Variants in MRE11 observed in about 807,000 individuals in gnomAD.
The protein encoded by MRE11 is MRE11 double strand break repair nuclease, also known as double-strand break repair protein MRE11.
A neutral mutation model predicts 91.7 loss-of-function variants in MRE11; 62 were observed. The ratio of observed to expected loss-of-function variants is 0.68; its 90% confidence interval spans 0.55 to 0.84. MRE11 has a LOEUF of 0.84. MRE11 is among the 40% of genes least tolerant of loss of function. The pLI is 0.00. For synonymous variants in MRE11, 273 were observed against 271.4 expected (o/e 1.01, Z -0.06); for missense variants, 796 against 852.9 (o/e 0.93, Z 0.83).
chr11:94,452,916 TCCC>T (rs1292343141), intron 14 of MRE11, among the ~76,000 whole-genome samples: 2 of 152,074 alleles, frequency 1.3e-5, no homozygotes, highest in Admixed American at 6.5e-5. Context: ...TATGCAATCA[TCCC>T]CCCATCCATC....
rs752483206 is a variant in MRE11, at chr11:94,470,574, C to A, written c.914G>T (p.Arg305Leu). The change falls in exon 9 of 20, where the codon CGG becomes CTG. Residue 305 changes from arginine to leucine, a missense_variant. By Grantham distance (102) the Arg-to-Leu change is moderately radical. Transcript: ENST00000323929. ...NMHKIPLHTVRQFFMEDIVLA... is the reference protein window; with the variant it reads ...NMHKIPLHTVLQFFMEDIVLA... ...AACAATATCCTCCATGAAAAACTGC[C>A]GCACTGTGTGAAGAGGAATTTTATG... 6.2e-7 allele frequency: 1 copy of A among 1,613,176 alleles called. No individual in the cohort carries two copies. The highest frequency in any genetic ancestry group is 1.1e-5 in the South Asian group (1 of 91,044).
rs1212127220 is a variant in MRE11, at chr11:94,459,442, T to C, written c.1466A>G (p.His489Arg). ...GATTTTGTCTTCGAGGGCATCAATATGACGTTCTTTAAGAAATCGCTGTGT... is the reference window on the plus strand; with the variant it reads ...GATTTTGTCTTCGAGGGCATCAATACGACGTTCTTTAAGAAATCGCTGTGT... The part of the protein sequence containing the change: ...EKTQRFLKER[H>R]IDALEDKIDE... Residue 489 changes from histidine (H) to arginine (R), a missense_variant, in exon 13 of 20, where the codon CAT becomes CGT. Physicochemically the swap from His to Arg is conservative, Grantham distance 29. Transcript: ENST00000323929. 3.7e-6 allele frequency: 6 copies of C among 1,613,928 alleles called. No homozygotes were observed. Among genetic ancestry groups the C allele is most frequent in the African/African-American group, 1.3e-5 (1 of 74,924 alleles).
At chr11:94,464,054 A>G in intron 11 of MRE11, 59 bp downstream of exon 11, 1 of 1,550,458 alleles carries the variant, frequency 6.4e-7, no homozygotes, top group Non-Finnish European at 8.9e-7. Flanking sequence ...TTTTTAATAA[A>G]GATTCCTTCA....
chr11:94,466,806 GCAA>G (rs1418311044), intron 10 of MRE11, among the ~76,000 whole-genome samples: 13 of 152,072 alleles, frequency 8.5e-5, no homozygotes, highest in Non-Finnish European at 1.5e-5. Flanking sequence ...AATTTCCCAG[GCAA>G]CAACAACACT....
chr11:94,475,022 A>T (rs1412920898), intron 7 of MRE11, among the ~76,000 whole-genome samples: 5 of 152,088 alleles, frequency 3.3e-5, no homozygotes, highest in African/African-American at 1.2e-4. Context: ...GAACTCACAC[A>T]TAAGGTAACA....
intron 15 of MRE11, among the ~76,000 whole-genome samples, chr11:94,446,752 T>C (rs2134903064): frequency 6.6e-6 from 1 of 152,324 alleles, no homozygotes; most frequent in East Asian, 1.9e-4. Flanking sequence ...CAGTTTTCTT[T>C]CTTAAACTGA....
At position 94,493,814 on chromosome 11, in the gene MRE11, A is replaced by T. The variant is rs1050551118; in HGVS notation, c.-129T>A. ...GCCTCTGAGAACCCGCAGGGCCGTA[A>T]ACCTGAATTCCGCGGGAGAGAACGG... On this transcript the variant is annotated 5_prime_UTR_variant, in exon 1 of 20. Transcript: ENST00000323929. 1.3e-5 allele frequency: 2 copies of T among 152,238 alleles called. No individual in the cohort carries two copies. The highest frequency in any genetic ancestry group is 4.8e-5 in the African/African-American group (2 of 41,446). The allele number at this position is 152,238 out of a possible 1,614,324, so 9.4% of individuals were successfully genotyped here. A position where few individuals can be genotyped will look rare whatever the true frequency, so the allele number is the denominator to read the frequency against.
At chr11:94,496,785 A>G (rs1484838520), upstream of MRE11, 1 of 1,614,074 alleles carries the variant, frequency 6.2e-7, no homozygotes, top group Admixed American at 1.7e-5. Flanking sequence ...GAATTGTTGG[A>G]AACACATGGA....
At chr11:94,422,491 GAT>G (rs1945198251) in intron 19 of MRE11, among the ~76,000 whole-genome samples, 1 of 151,936 alleles carries the variant, frequency 6.6e-6, no homozygotes, top group Admixed American at 6.6e-5. Flanking sequence ...AAGCTCTTGG[GAT>G]ATCATCATCA....
chr11:94,466,755 A>T lies in MRE11; in HGVS notation c.1098+1058T>A, dbSNP rs1212536410. Among the ~76,000 whole-genome samples the T allele has an allele frequency of 2.0e-5, 3 of 152,176 alleles. No homozygotes were observed. In the East Asian group the frequency reaches 5.8e-4, roughly 29 times the overall value. On this transcript the variant is annotated intron_variant, in intron 10 of 19. Coordinates refer to ENST00000323929, the MANE Select transcript of MRE11 (RefSeq NM_005591.4). The stretch of plus-strand genomic sequence containing the variant: ...TTCTTGGAGATTTTTGTTAAAATAC[A>T]GTGGGTTCTGATGCAGGGTCTGAGG...
rs1555015193 is a variant in MRE11, at chr11:94,478,806, G to T, written c.473C>A (p.Ser158Tyr). The stretch of plus-strand genomic sequence containing the variant: ...CGGACTAATGTCTATCTTCTCCACA[G>T]ACATTGAACGTCCAAAGTGATTTAC... ...GFVNHFGRSM[S>Y]VEKIDISPVL... The change falls in exon 6 of 20, where the codon TCT becomes TAT. Residue 158 changes from serine to tyrosine, a missense_variant. Coordinates refer to ENST00000323929, the MANE Select transcript of MRE11 (RefSeq NM_005591.4). The T allele has an allele frequency of 6.2e-7, 1 of 1,613,802 alleles. No individual in the cohort carries two copies. The highest frequency in any genetic ancestry group is 8.5e-7 in the Non-Finnish European group (1 of 1,179,888).
At chr11:94,436,717 G>A (rs757836626) in intron 17 of MRE11, among the ~76,000 whole-genome samples, 22 of 152,172 alleles carry the variant, frequency 1.4e-4, no homozygotes, top group Admixed American at 2.6e-4. Context: ...AAGAGCAGAA[G>A]GCCCAGGCTA....
At chr11:94,482,672 G>A (rs1368833950) in intron 4 of MRE11, among the ~76,000 whole-genome samples, 11 of 151,990 alleles carry the variant, frequency 7.2e-5, no homozygotes, top group South Asian at 2.1e-4. Flanking sequence ...GGTGGCTCAC[G>A]CCTATAATCT....
chr11:94,496,282 T>C (rs941745289), upstream of MRE11, among the ~76,000 whole-genome samples: 1 of 152,206 alleles, frequency 6.6e-6, no homozygotes, highest in African/African-American at 2.4e-5. Context: ...CTGTCTTCAT[T>C]GTATTAGTTA....
At chr11:94,500,433 C>A in the MRE11 span, among the ~76,000 whole-genome samples, 2 of 152,212 alleles carry the variant, frequency 1.3e-5, no homozygotes, top group Non-Finnish European at 2.9e-5. Flanking sequence ...ATTCACTAGA[C>A]TGCTCTGTGC....
chr11:94,437,368 G>C lies in MRE11; in HGVS notation c.1868-133C>G, dbSNP rs13447713. 0.019 allele frequency: 13,766 copies of C among 743,620 alleles called. 384 individuals carry two copies. Among genetic ancestry groups the C allele is most frequent in the African/African-American group, 0.087 (4,837 of 55,760 alleles). 46.1% of individuals were successfully genotyped at this position (743,620 alleles called of 1,614,324 possible). A position where few individuals can be genotyped will look rare whatever the true frequency, so the allele number is the denominator to read the frequency against. The stretch of plus-strand genomic sequence containing the variant: ...ATGATGCCTAATTATAAAACTATTT[G>C]ATATTTTTAAAAATCTAAAGGGAGA... On this transcript the variant is annotated intron_variant, in intron 16 of 19. Transcript: ENST00000323929.
intron 13 of MRE11, among the ~76,000 whole-genome samples, chr11:94,457,486 T>C (rs1946283777): frequency 6.6e-6 from 1 of 152,178 alleles, no homozygotes; most frequent in Non-Finnish European, 1.5e-5. Context: ...ATGTTTGTTA[T>C]GATTCAGTAG....
At position 94,422,556 on chromosome 11, in the gene MRE11, G is replaced by A. The variant is rs182894020; in HGVS notation, c.2071-2375C>T. On this transcript the variant is annotated intron_variant, in intron 19 of 19. Transcript: ENST00000323929. Reference sequence around the variant, plus strand: ...AATGGTAGAAGCTAAAAAAAATTCCGATCCCACTGTTAACTGGGCAAATAA... The same window carrying A: ...AATGGTAGAAGCTAAAAAAAATTCCAATCCCACTGTTAACTGGGCAAATAA... Among the ~76,000 whole-genome samples the A allele has an allele frequency of 2.5e-3, 376 of 151,892 alleles. 1 individual carries two copies. The highest frequency in any genetic ancestry group is 8.1e-3 in the African/African-American group (335 of 41,414).
intron 11 of MRE11, among the ~76,000 whole-genome samples, chr11:94,463,626 T>TTC (rs1946479138): frequency 6.6e-6 from 1 of 152,140 alleles, no homozygotes; most frequent in Admixed American, 6.5e-5. Context: ...TTCATGTCCT[T>TTC]TGTAGGGACA....
Sources: gnomAD v4.1 joint callset for allele counts (sites outside exome capture counted in the v4.1 genomes callset) on GRCh38, gnomAD v4.1.1 for gene constraint, MANE v1.5 for transcripts, NCBI Gene and HGNC (gene_info 2026-07-23, HGNC 2026-07-21) for gene names.